RGL1: variants seen among roughly 807,000 people sequenced by gnomAD.
RGL1 encodes ral guanine nucleotide dissociation stimulator like 1, also known as ral guanine nucleotide dissociation stimulator-like 1.
Under a neutral mutation model 95.2 loss-of-function variants are expected in RGL1, and 24 were observed. That is an observed-to-expected ratio of 0.25 (90% confidence interval 0.18 to 0.35). RGL1 has a LOEUF of 0.35. Among genes scored for constraint, RGL1 ranks in the 10% least tolerant of loss-of-function variants. The pLI, the probability that RGL1 is intolerant of heterozygous loss-of-function variation, is 1.00. For synonymous variants in RGL1, 329 were observed against 344.9 expected, an observed-to-expected ratio of 0.95 and a Z score of 0.51; for missense variants, 715 against 936.3, an observed-to-expected ratio of 0.76 and a Z score of 3.08.
intron 1 of RGL1, among the ~76,000 whole-genome samples, chr1:183,717,369 C>A (rs1655685706): frequency 6.6e-6 from 1 of 152,120 alleles, no homozygotes; most frequent in African/African-American, 2.4e-5. Context: ...AGATATTAAA[C>A]ATACTTTCTC....
At chr1:183,714,894 C>CAACTGGG (rs1293175162) in intron 1 of RGL1, among the ~76,000 whole-genome samples, 2 of 152,034 alleles carry the variant, frequency 1.3e-5, no homozygotes, top group Admixed American at 6.6e-5. Context: ...GAGTTGGAGG[C>CAACTGGG]AGTCTGGTGC....
chr1:183,870,084 G>A (rs950621998), intron 4 of RGL1, among the ~76,000 whole-genome samples: 1 of 152,182 alleles, frequency 6.6e-6, no homozygotes, highest in Non-Finnish European at 1.5e-5. Context: ...CATGCCAACA[G>A]ACAACACAAA....
chr1:183,711,931 C>A (rs932446140), intron 1 of RGL1, among the ~76,000 whole-genome samples: 28 of 152,184 alleles, frequency 1.8e-4, no homozygotes, highest in African/African-American at 6.8e-4. Context: ...GCTGTGTGGT[C>A]TTGAGTAAGC....
At chr1:183,900,893 G>A (rs1438266585) in intron 11 of RGL1, among the ~76,000 whole-genome samples, 2 of 151,684 alleles carry the variant, frequency 1.3e-5, no homozygotes, top group African/African-American at 4.8e-5. Flanking sequence ...GGCCGGGCGC[G>A]ATGTCTCATG....
At chr1:183,676,848 T>G (rs74448735) in intron 1 of RGL1, among the ~76,000 whole-genome samples, 12,181 of 150,738 alleles carry the variant, frequency 0.081, 898 homozygotes, top group African/African-American at 0.2. Context: ...TCATCTGTAA[T>G]ATAAGCATAT....
chr1:183,868,591 G>C (rs914212081), intron 4 of RGL1, among the ~76,000 whole-genome samples: 3 of 152,150 alleles, frequency 2.0e-5, no homozygotes, highest in Admixed American at 6.5e-5. Context: ...GAGAATCATA[G>C]GAGTCTATGA....
At position 183,897,559 on chromosome 1, in the gene RGL1, AAAAC is replaced by A. The variant is rs761462285; in HGVS notation, c.1141-245_1141-242del. 2.6e-3 allele frequency among the ~76,000 whole-genome samples: 397 copies of A among 152,140 alleles called. 1 individual carries two copies. The highest frequency in any genetic ancestry group is 4.0e-3 in the Non-Finnish European group (271 of 67,972). ...GTGAGACTTCGTCTCAAAAAAAAAA[AAAAC>A]AAAGTTGGGGGAAGAACAAGAAAAT... On this transcript the variant is annotated intron_variant, in intron 9 of 17. Transcript: ENST00000360851.
At chr1:183,759,068 T>G (rs1349224767) in intron 2 of RGL1, among the ~76,000 whole-genome samples, 2 of 152,176 alleles carry the variant, frequency 1.3e-5, no homozygotes, top group African/African-American at 4.8e-5. Flanking sequence ...AGTTTTCCTA[T>G]GCCCTTGTTT....
chr1:183,854,782 G>T (rs1193588255), intron 3 of RGL1, among the ~76,000 whole-genome samples: 1 of 152,004 alleles, frequency 6.6e-6, no homozygotes, highest in African/African-American at 2.4e-5. Context: ...GCAGTATTGG[G>T]CAGTGAATTT....
At chr1:183,925,121 T>C (rs537168422) in intron 17 of RGL1, among the ~76,000 whole-genome samples, 3 of 152,378 alleles carry the variant, frequency 2.0e-5, no homozygotes, top group Middle Eastern at 3.4e-3. Flanking sequence ...GAAAATAGTT[T>C]AAATATTAAA....
At position 183,676,409 on chromosome 1, in the gene RGL1, C is replaced by T. The variant is rs558247603; in HGVS notation, c.-33+39908C>T. On this transcript the variant is annotated intron_variant, in intron 1 of 18. Transcript: ENST00000304685. ...CCACATAGTTGAGCCATTCTCATGC[C>T]CCATCAAGTCTTTTCTTCCCTACAC... Among the ~76,000 whole-genome samples, 8 of 152,034 alleles carry T rather than the reference C, an allele frequency of 5.3e-5. 1 individual carries two copies. The East Asian group carries it at 1.6e-3, about 30-fold the overall frequency.
intron 2 of RGL1, among the ~76,000 whole-genome samples, chr1:183,766,940 G>T (rs1024501134): frequency 6.6e-6 from 1 of 152,096 alleles, no homozygotes; most frequent in Non-Finnish European, 1.5e-5. Flanking sequence ...TCATGGCTGG[G>T]TATAGTGGCT....
At chr1:183,876,823 G>C (rs1666525109) in intron 4 of RGL1, among the ~76,000 whole-genome samples, 1 of 152,212 alleles carries the variant, frequency 6.6e-6, no homozygotes, top group Non-Finnish European at 1.5e-5. Context: ...CATTCTTCCT[G>C]TGAGAGGTGG....
intron 1 of RGL1, among the ~76,000 whole-genome samples, chr1:183,712,082 G>GA (rs1655316957): frequency 6.6e-6 from 1 of 152,200 alleles, no homozygotes; most frequent in South Asian, 2.1e-4. Context: ...ATGGAAATGA[G>GA]AAAAATAATT....
At chr1:183,766,177 C>A (rs1393079555) in intron 2 of RGL1, among the ~76,000 whole-genome samples, 1 of 151,924 alleles carries the variant, frequency 6.6e-6, no homozygotes, top group Non-Finnish European at 1.5e-5. Context: ...TAGGCCGAGG[C>A]GGGCGGATCA....
chr1:183,909,357 G>A (rs74133031), intron 14 of RGL1, among the ~76,000 whole-genome samples: 1,806 of 152,266 alleles, frequency 0.012, 41 homozygotes, highest in African/African-American at 0.042. Context: ...CTACTACTGA[G>A]CCAGAATGAA....
chr1:183,847,558 T>G lies in RGL1; in HGVS notation c.139-8T>G, dbSNP rs1210244848. The G allele has an allele frequency of 6.2e-7, 1 of 1,609,054 alleles. No homozygotes were observed. The highest frequency in any genetic ancestry group is 8.5e-7 in the Non-Finnish European group (1 of 1,177,546). ...TCTCCTTATGGTAATTGTTAATTTA[T>G]TATACAGGTTGAAGGGGACCAGCTG... On this transcript the variant is annotated splice_polypyrimidine_tract_variant and splice_region_variant and intron_variant, in intron 2 of 17. Coordinates refer to ENST00000360851, the MANE Select transcript of RGL1 (RefSeq NM_001297671.3).
chr1:183,648,652 A>T, intron 1 of RGL1: 1 of 1,614,216 alleles, frequency 6.2e-7, no homozygotes. Context: ...TCTGTGAGGG[A>T]AACTCTTGCT....
chr1:183,748,394 C>CTT (rs56920504), intron 2 of RGL1, among the ~76,000 whole-genome samples: 951 of 69,708 alleles, frequency 0.014, 234 homozygotes, highest in African/African-American at 0.043. Context: ...TTCTCTAGTT[C>CTT]TTTTTTTTTT....
Sources: allele counts gnomAD v4.1 joint callset (sites outside exome capture counted in the v4.1 genomes callset), GRCh38; gene constraint gnomAD v4.1.1; transcripts MANE v1.5; gene names NCBI Gene and HGNC (gene_info 2026-07-23, HGNC 2026-07-21).